CORO7: variants seen among roughly 807,000 people sequenced by gnomAD.
CORO7 encodes coronin-7.
A neutral mutation model predicts 126.6 loss-of-function variants in CORO7; 107 were observed. The observed-to-expected ratio is 0.85, with a 90% CI of 0.72 to 0.99. CORO7 has a LOEUF of 0.99. CORO7 is among the 50% of genes least tolerant of loss of function. The pLI is 0.00. For synonymous variants in CORO7, 603 were observed against 536.8 expected (o/e 1.12, Z -1.70); for missense variants, 1,314 against 1,255.8 (o/e 1.05, Z -0.70).
intron 9 of CORO7, 82 bp from the exon 10 acceptor site, chr16:4,365,627 G>A: frequency 6.6e-7 from 1 of 1,522,598 alleles, no homozygotes; most frequent in Admixed American, 2.0e-5. Context: ...GCCCAGGACA[G>A]GCACCACAGT....
intron 7 of CORO7, among the ~76,000 whole-genome samples, chr16:4,394,420 G>T (rs1349721156): frequency 6.7e-6 from 1 of 148,838 alleles, no homozygotes; most frequent in African/African-American, 2.5e-5. Context: ...CTACACTCCA[G>T]CCTGGGCGAC....
chr16:4,394,137 A>T (rs1019499069), intron 7 of CORO7, among the ~76,000 whole-genome samples: 8 of 151,506 alleles, frequency 5.3e-5, no homozygotes, highest in Non-Finnish European at 1.5e-5. Context: ...TACTCATCGC[A>T]CTTCCTGCTT....
chr16:4,380,737 C>T (rs1211053143), intron 9 of CORO7: 15 of 1,061,116 alleles, frequency 1.4e-5, no homozygotes, highest in Admixed American at 3.1e-5. Context: ...CACTGGCGAC[C>T]TGACTCATAA....
At chr16:4,389,932 TG>T (rs1381992391) in intron 7 of CORO7, among the ~76,000 whole-genome samples, 2 of 152,158 alleles carry the variant, frequency 1.3e-5, no homozygotes, top group African/African-American at 4.8e-5. Flanking sequence ...GAGCTGGCAG[TG>T]GGGCCGGATG....
intron 7 of CORO7, among the ~76,000 whole-genome samples, chr16:4,390,070 G>A (rs965437366): frequency 6.6e-6 from 1 of 152,184 alleles, no homozygotes; most frequent in Non-Finnish European, 1.5e-5. Flanking sequence ...GAAAGTCCCT[G>A]TGCCCGTGGA....
intron 3 of CORO7, among the ~76,000 whole-genome samples, chr16:4,408,662 A>T (rs1243802873): frequency 6.6e-6 from 1 of 152,202 alleles, no homozygotes; most frequent in Non-Finnish European, 1.5e-5. Context: ...GTTCTTTGCA[A>T]CCAAAGAACC....
chr16:4,364,357 A>G lies in CORO7; in HGVS notation c.1194T>C (p.Cys398=). The change falls in exon 14 of 28, where the codon TGT becomes TGC. Residue 398 remains cysteine (C), a synonymous_variant. Transcript: ENST00000251166. ...ACRPHPSFTS[C]LVPPAEPLPD... ...GGAGGGGCTCCGCAGGGGGCACCAG[A>G]CAGGAAGTGAAGCTCGGGTGGGGCC... is the stretch of plus-strand genomic sequence containing the variant. The G allele has an allele frequency of 6.6e-7, 1 of 1,523,984 alleles. No individual in the cohort carries two copies. The highest frequency in any genetic ancestry group is 8.8e-7 in the Non-Finnish European group (1 of 1,138,918). The allele number at this position is 1,523,984 out of a possible 1,614,324, so 94.4% of individuals were successfully genotyped here.
intron 7 of CORO7, among the ~76,000 whole-genome samples, chr16:4,391,202 G>A (rs534632981): frequency 2.2e-4 from 33 of 152,268 alleles, no homozygotes; most frequent in African/African-American, 6.3e-4. Context: ...GTGGGAGGAC[G>A]GCTTGAGCCC....
chr16:4,409,650 T>C (rs2056130051), intron 3 of CORO7, among the ~76,000 whole-genome samples: 1 of 152,210 alleles, frequency 6.6e-6, no homozygotes, highest in Non-Finnish European at 1.5e-5. Flanking sequence ...CTTCAGAACC[T>C]GTGCTGCTCA....
intron 16 of CORO7, 31 bp downstream of exon 16, chr16:4,361,953 GA>G (rs2054193793): frequency 6.3e-7 from 1 of 1,577,586 alleles, no homozygotes; most frequent in African/African-American, 1.4e-5. Context: ...GCAGGGAACT[GA>G]GGGGCAGCCC....
rs2053995337 is a variant in CORO7 at position 4,356,967 on chromosome 16, C to T, written c.2685+201G>A. 4 of 711,520 alleles carry T rather than the reference C, an allele frequency of 5.6e-6. No individual in the cohort carries two copies. In the East Asian group the frequency reaches 1.1e-4, roughly 20 times the overall value. The allele number at this position is 711,520 out of a possible 1,614,324, so 44.1% of individuals were successfully genotyped here. On this transcript the variant is annotated intron_variant, in intron 26 of 27. Transcript: ENST00000251166. Reference sequence around the variant, plus strand: ...TGGGTTTGGCCTGGCCAGGGCAGGGCTCCCACTGCCCTCCCCCACTTCCCG... The same window carrying T: ...TGGGTTTGGCCTGGCCAGGGCAGGGTTCCCACTGCCCTCCCCCACTTCCCG...
intron 1 of CORO7, chr16:4,416,038 GC>G: frequency 6.2e-6 from 2 of 325,188 alleles, no homozygotes; most frequent in Non-Finnish European, 9.0e-6. Flanking sequence ...TCTCCCCACA[GC>G]CCAGCCAGGG....
intron 8 of CORO7, among the ~76,000 whole-genome samples, 200 bp from the exon 9 acceptor site, chr16:4,388,268 G>A (rs1052336912): frequency 6.6e-6 from 1 of 152,212 alleles, no homozygotes; most frequent in African/African-American, 2.4e-5. Flanking sequence ...ACCCTTAGGT[G>A]ACAAAGGATG....
At position 4,357,767 on chromosome 16, in the gene CORO7, TA is replaced by T. The variant is rs1193467593; in HGVS notation, c.2593+200del. ...ACAGTGTGTGCGTGTGTGTGTGTGT[TA>T]GGGGTGGGGACCTGTGATGAAAACA... On this transcript the variant is annotated intron_variant, in intron 25 of 27. Coordinates refer to ENST00000251166, the MANE Select transcript of CORO7 (RefSeq NM_024535.5). 130 of 847,644 alleles carry T rather than the reference TA, an allele frequency of 1.5e-4. 2 individuals carry two copies. In the East Asian group the frequency reaches 3.5e-3, roughly 23 times the overall value. 52.5% of individuals were successfully genotyped at this position (847,644 alleles called of 1,614,324 possible).
chr16:4,364,726 G>A (rs2277852), intron 12 of CORO7, 37 bp from the exon 13 acceptor site: 854,079 of 1,587,590 alleles, frequency 0.54, 233,081 homozygotes, highest in Non-Finnish European at 0.56. Context: ...TGAGGCCCAG[G>A]CCCCCCGACT....
chr16:4,382,698 A>T, intron 9 of CORO7: 1 of 1,547,674 alleles, frequency 6.5e-7, no homozygotes, highest in Non-Finnish European at 8.7e-7. Flanking sequence ...CCATGGCAGC[A>T]GCGGCTCAGG....
At chr16:4,382,133 C>T in intron 9 of CORO7, 2 of 1,590,098 alleles carry the variant, frequency 1.3e-6, no homozygotes, top group Non-Finnish European at 1.7e-6. Context: ...AATGGGGGCA[C>T]ATGCCACCTG....
chr16:4,360,880 ACCTCTCCACACTGCTGGCCCCG>A lies in CORO7; in HGVS notation c.1917+41_1917+62del, dbSNP rs1261808235. 2.2e-3 allele frequency: 732 copies of A among 326,256 alleles called. 1 individual carries two copies. The highest frequency in any genetic ancestry group is 0.021 in the African/African-American group (422 of 20,528). The allele number at this position is 326,256 out of a possible 1,614,324, so 20.2% of individuals were successfully genotyped here. A position where few individuals can be genotyped will look rare whatever the true frequency, so the allele number is the denominator to read the frequency against. On this transcript the variant is annotated intron_variant, in intron 19 of 27. Transcript: ENST00000251166. Reference sequence around the variant, plus strand: ...CCCGCCACTCCTCACTGCTGGCCCCACCTCTCCACACTGCTGGCCCCGCCTCTCCACACTGCTGGCCCCACCT... The same window carrying A: ...CCCGCCACTCCTCACTGCTGGCCCCACCTCTCCACACTGCTGGCCCCACCT...
chr16:4,379,780 T>C (rs1413385296), intron 9 of CORO7, among the ~76,000 whole-genome samples: 1 of 150,958 alleles, frequency 6.6e-6, no homozygotes, highest in African/African-American at 2.4e-5. Flanking sequence ...CGGTGGCTCA[T>C]GCCTGTAATC....
Sources: allele counts gnomAD v4.1 joint callset (sites outside exome capture counted in the v4.1 genomes callset), GRCh38; gene constraint gnomAD v4.1.1; transcripts MANE v1.5; gene names NCBI Gene and HGNC (gene_info 2026-07-23, HGNC 2026-07-21).